The following SPRED2 variants were observed in gnomAD, a reference collection of about 807,000 sequenced individuals.
SPRED2 encodes the protein sprouty-related, EVH1 domain-containing protein 2.
Under a neutral mutation model 43.0 loss-of-function variants are expected in SPRED2, and 47 were observed. That is an observed-to-expected ratio of 1.09 (90% confidence interval 0.87 to 1.40). The LOEUF is 1.40. Among genes scored for constraint, SPRED2 ranks in the 40% most tolerant of loss-of-function variants. SPRED2 has a pLI of 0.00. For missense variants in SPRED2, 561 were observed against 586.4 expected (o/e 0.96, Z 0.45); for synonymous variants, 225 against 225.7 (o/e 1.00, Z 0.03).
At position 65,391,535 on chromosome 2, in the gene SPRED2, A is replaced by G. The variant is rs182812132; in HGVS notation, c.26+40427T>C. On this transcript the variant is annotated intron_variant, in intron 1 of 5. Transcript: ENST00000356388. ...GCCCATCTTATTAACATTCCTTAAA[A>G]GTACTATTTTCCAAGGCTGCATAAT... Among the ~76,000 whole-genome samples, 26 of 152,332 alleles carry G rather than the reference A, an allele frequency of 1.7e-4. 1 individual carries two copies. The highest frequency in any genetic ancestry group is 5.2e-4 in the Admixed American group (8 of 15,296).
chr2:65,337,776 T>TGTCA (rs1268824642), intron 2 of SPRED2, among the ~76,000 whole-genome samples: 2 of 152,384 alleles, frequency 1.3e-5, no homozygotes, highest in East Asian at 3.9e-4. Flanking sequence ...CGGACATTTA[T>TGTCA]GTCAGTAAGA....
intron 1 of SPRED2, among the ~76,000 whole-genome samples, chr2:65,393,007 A>G (rs984026802): frequency 3.3e-5 from 5 of 152,238 alleles, no homozygotes; most frequent in Non-Finnish European, 7.3e-5. Flanking sequence ...GAGCCTGCAA[A>G]GAGTTTAAAA....
intron 2 of SPRED2, among the ~76,000 whole-genome samples, chr2:65,338,691 G>C (rs778934795): frequency 0.11 from 16,931 of 150,836 alleles, 1,965 homozygotes; most frequent in African/African-American, 0.33. Flanking sequence ...CCCAAAGTGC[G>C]GAGATTGCAG....
intron 1 of SPRED2, among the ~76,000 whole-genome samples, chr2:65,401,523 C>T (rs1373514693): frequency 1.3e-5 from 2 of 151,700 alleles, no homozygotes; most frequent in East Asian, 2.0e-4. Context: ...TGGCCAGGCG[C>T]GGTGGCTCAC....
At chr2:65,315,395 C>T (rs1385647828) in intron 5 of SPRED2, among the ~76,000 whole-genome samples, 1 of 152,168 alleles carries the variant, frequency 6.6e-6, no homozygotes, top group Non-Finnish European at 1.5e-5. Context: ...CCATCACAGT[C>T]ATTATCATAT....
At chr2:65,350,056 G>A (rs1386642320) in intron 1 of SPRED2, among the ~76,000 whole-genome samples, 2 of 152,162 alleles carry the variant, frequency 1.3e-5, no homozygotes, top group African/African-American at 2.4e-5. Flanking sequence ...GTGTATTTAC[G>A]TTACTCAGGC....
chr2:65,322,294 A>ATTTTTTTTTTT (rs1178902612), intron 4 of SPRED2, among the ~76,000 whole-genome samples: 2 of 64,936 alleles, frequency 3.1e-5, no homozygotes, highest in African/African-American at 1.4e-4. Context: ...ATATATATAT[A>ATTTTTTTTTTT]TTTTTTTTTT....
chr2:65,326,060 T>G (rs1258192100), intron 4 of SPRED2, among the ~76,000 whole-genome samples: 1 of 152,224 alleles, frequency 6.6e-6, no homozygotes, highest in Non-Finnish European at 1.5e-5. Flanking sequence ...TGCTGCTATT[T>G]TGAATTTTTA....
chr2:65,432,227 G>T lies in SPRED2; in HGVS notation c.-240C>A. 1.8e-6 allele frequency: 1 copy of T among 549,762 alleles called. No homozygotes were observed. The highest frequency in any genetic ancestry group is 3.3e-6 in the Non-Finnish European group (1 of 306,434). The allele number at this position is 549,762 out of a possible 1,614,324, so 34.1% of individuals were successfully genotyped here. On this transcript the variant is annotated 5_prime_UTR_variant, in exon 1 of 6. Coordinates refer to ENST00000356388, the MANE Select transcript of SPRED2 (RefSeq NM_181784.3). ...CGCCGCAGCGCCGTGGGGAGAGGCG[G>T]GCGGAGGCTCCGGGGGCTCGGGAGC...
chr2:65,330,538 T>C (rs1482853581), intron 4 of SPRED2, among the ~76,000 whole-genome samples: 1 of 152,206 alleles, frequency 6.6e-6, no homozygotes, highest in Non-Finnish European at 1.5e-5. Flanking sequence ...AGATTTCCCC[T>C]GTCCCCACAC....
chr2:65,318,792 G>A (rs553463499), intron 4 of SPRED2, among the ~76,000 whole-genome samples: 1 of 152,016 alleles, frequency 6.6e-6, no homozygotes, highest in Non-Finnish European at 1.5e-5. Context: ...GACAATAGGT[G>A]TGCACCACCA....
At chr2:65,404,031 C>G (rs1675964050) in intron 1 of SPRED2, among the ~76,000 whole-genome samples, 1 of 151,904 alleles carries the variant, frequency 6.6e-6, no homozygotes, top group South Asian at 2.1e-4. Context: ...ATGGTGAAAC[C>G]CCGTCTCTAC....
chr2:65,317,718 C>T (rs1044285991), intron 4 of SPRED2, among the ~76,000 whole-genome samples: 37 of 151,972 alleles, frequency 2.4e-4, no homozygotes, highest in East Asian at 7.7e-4. Context: ...GTAAGGATAC[C>T]GCTGGCTGGC....
intron 1 of SPRED2, among the ~76,000 whole-genome samples, chr2:65,369,272 C>T (rs539314249): frequency 1.2e-5 from 1 of 84,172 alleles, no homozygotes; most frequent in Admixed American, 1.6e-4. Flanking sequence ...TACACATACA[C>T]ACACACACAC....
At chr2:65,340,092 A>G (rs1161254806) in intron 2 of SPRED2, among the ~76,000 whole-genome samples, 1 of 152,250 alleles carries the variant, frequency 6.6e-6, no homozygotes, top group Non-Finnish European at 1.5e-5. Flanking sequence ...AAAGTTATAC[A>G]GTTATTTGCC....
chr2:65,337,475 C>T (rs1673999810), intron 2 of SPRED2, among the ~76,000 whole-genome samples: 1 of 152,110 alleles, frequency 6.6e-6, no homozygotes, highest in Non-Finnish European at 1.5e-5. Context: ...GACATGAGGA[C>T]TCCATTCCTA....
At position 65,374,052 on chromosome 2, in the gene SPRED2, C is replaced by T. The variant is rs1044369004; in HGVS notation, c.27-29156G>A. 4 of 152,200 alleles carry T rather than the reference C, an allele frequency of 2.6e-5. No individual in the cohort carries two copies. The East Asian group carries it at 7.7e-4, about 29-fold the overall frequency. 9.4% of individuals were successfully genotyped at this position (152,200 alleles called of 1,614,324 possible). On this transcript the variant is annotated intron_variant, in intron 1 of 5. Transcript: ENST00000356388. ...ATGTGAGGCACGTTTGCTAACTTAA[C>T]GTACTTTTCGCCACTGAGATCCATT...
intron 4 of SPRED2, among the ~76,000 whole-genome samples, chr2:65,321,191 C>T (rs1178910961): frequency 6.6e-6 from 1 of 152,164 alleles, no homozygotes; most frequent in Non-Finnish European, 1.5e-5. Flanking sequence ...GAGAGCAGGT[C>T]AGAGTGGGCG....
chr2:65,337,547 G>A (rs933709482), intron 2 of SPRED2, among the ~76,000 whole-genome samples: 1 of 152,146 alleles, frequency 6.6e-6, no homozygotes, highest in African/African-American at 2.4e-5. Flanking sequence ...TCAGTAGAGC[G>A]GGCACAATCC....
Sources: allele counts gnomAD v4.1 joint callset (sites outside exome capture counted in the v4.1 genomes callset), GRCh38; gene constraint gnomAD v4.1.1; transcripts MANE v1.5; gene names NCBI Gene and HGNC (gene_info 2026-07-23, HGNC 2026-07-21).